PAK3: variants seen among roughly 807,000 people sequenced by gnomAD.
PAK3 encodes the protein serine/threonine-protein kinase PAK 3.
A neutral mutation model predicts 41.0 loss-of-function variants in PAK3; 4 were observed. The observed-to-expected ratio is 0.10, with a 90% CI of 0.05 to 0.22. The LOEUF (loss-of-function observed/expected upper bound fraction) is 0.22, where lower values mean the gene tolerates loss of function less well. Among genes scored for constraint, PAK3 ranks in the 10% least tolerant of loss-of-function variants. The pLI is 1.00. For missense variants in PAK3, 205 were observed against 409.9 expected (o/e 0.50, Z 4.32); for synonymous variants, 146 against 139.6 (o/e 1.05, Z -0.32).
At position 111,226,070 on chromosome X, in the gene PAK3, G is replaced by T. The variant is rs1293746117; in HGVS notation, c.*5623G>T. The T allele has an allele frequency of 9.1e-6, 1 of 110,205 alleles. No individual in the cohort carries two copies. Among genetic ancestry groups the T allele is most frequent in the Non-Finnish European group, 1.9e-5 (1 of 52,838 alleles). The allele number at this position is 110,205 out of a possible 1,213,427, so 9.1% of individuals were successfully genotyped here. ...GGGCGCCTGTAATCCCAGCTACTTG[G>T]GAGGCTGAGGTGGGAGAATCGCTTG... On this transcript the variant is annotated 3_prime_UTR_variant, in exon 18 of 18. Coordinates refer to ENST00000372007, the MANE Select transcript of PAK3 (RefSeq NM_002578.5).
intron 6 of PAK3, among the ~76,000 whole-genome samples, chrX:111,147,239 C>A (rs1433472981): frequency 1.8e-5 from 2 of 111,930 alleles, no homozygotes; most frequent in Non-Finnish European, 3.8e-5. Context: ...TTTGTAATCA[C>A]AAAGTATAAC....
chrX:110,973,930 C>A (rs1271093960), intron 1 of PAK3, among the ~76,000 whole-genome samples: 1 of 111,569 alleles, frequency 9.0e-6, no homozygotes, highest in Non-Finnish European at 1.9e-5. Context: ...TCTGATAAAC[C>A]AGATTTTAAA....
chrX:110,996,103 AT>A (rs2091734888), intron 1 of PAK3, among the ~76,000 whole-genome samples: 1 of 112,076 alleles, frequency 8.9e-6, no homozygotes, highest in Non-Finnish European at 1.9e-5. Flanking sequence ...CCTCTTCTAG[AT>A]GAAGTAAATC....
At chrX:110,994,329 C>A (rs1011701851) in intron 1 of PAK3, among the ~76,000 whole-genome samples, 12 of 111,781 alleles carry the variant, frequency 1.1e-4, no homozygotes, top group African/African-American at 3.9e-4. Context: ...GTTTGAAAAT[C>A]TATACTTGCC....
rs765320340 is a variant in PAK3 at position 111,157,236 on chromosome X, G to A, written c.468+4789G>A. Among the ~76,000 whole-genome samples the A allele has an allele frequency of 3.6e-5, 4 of 111,448 alleles. No individual in the cohort carries two copies. The South Asian group carries it at 1.5e-3, about 42-fold the overall frequency. On this transcript the variant is annotated intron_variant, in intron 8 of 17. Transcript: ENST00000372007. ...AATCACCAAAAGTGGCCCCCAAACA[G>A]CATTTTATATTATCTAAAGCCTCTA...
intron 1 of PAK3, among the ~76,000 whole-genome samples, chrX:111,018,549 G>A (rs2092124211): frequency 9.0e-6 from 1 of 111,629 alleles, no homozygotes; most frequent in Non-Finnish European, 1.9e-5. Flanking sequence ...ACAAATAAAT[G>A]TGTACTGAAA....
chrX:111,092,332 CAT>C (rs1160182347), upstream of PAK3, among the ~76,000 whole-genome samples: 1 of 112,040 alleles, frequency 8.9e-6, no homozygotes, highest in Non-Finnish European at 1.9e-5. Context: ...CACATACCCA[CAT>C]GTCTTTCCTA....
At chrX:111,164,044 C>T (rs189165669) in intron 10 of PAK3, among the ~76,000 whole-genome samples, 53 of 111,821 alleles carry the variant, frequency 4.7e-4, no homozygotes, top group Non-Finnish European at 8.5e-4. Flanking sequence ...GATCATAACC[C>T]AAGGGCTCTC....
chrX:111,050,772 G>C (rs1035147169), intron 1 of PAK3, among the ~76,000 whole-genome samples: 17 of 112,773 alleles, frequency 1.5e-4, no homozygotes, highest in African/African-American at 5.5e-4. Flanking sequence ...TTCTGCTGCT[G>C]TTGGCAGATT....
At chrX:111,184,381 T>C (rs187149841) in intron 11 of PAK3, among the ~76,000 whole-genome samples, 16 of 110,374 alleles carry the variant, frequency 1.4e-4, no homozygotes, top group African/African-American at 4.3e-4. Flanking sequence ...TTACATCCTA[T>C]AGTGCTGCGT....
intron 5 of PAK3, among the ~76,000 whole-genome samples, chrX:111,141,714 ATTCT>A (rs1183438184): frequency 2.7e-5 from 3 of 112,091 alleles, no homozygotes; most frequent in Non-Finnish European, 5.6e-5. Context: ...GTGCTTTTCT[ATTCT>A]TTCTAATAGT....
At chrX:110,948,330 AT>A (rs1290917233) in intron 1 of PAK3, among the ~76,000 whole-genome samples, 3 of 111,576 alleles carry the variant, frequency 2.7e-5, no homozygotes, top group African/African-American at 6.5e-5. Context: ...CTTCAGACTA[AT>A]TGTCTTTCAG....
intron 1 of PAK3, among the ~76,000 whole-genome samples, chrX:111,066,159 A>G (rs1156336685): frequency 9.0e-6 from 1 of 111,013 alleles, no homozygotes; most frequent in Non-Finnish European, 1.9e-5. Flanking sequence ...GTAATTTGAG[A>G]TCTTTCTAAC....
intron 1 of PAK3, among the ~76,000 whole-genome samples, chrX:111,069,214 C>CT (rs1364391435): frequency 8.9e-6 from 1 of 112,013 alleles, no homozygotes; most frequent in East Asian, 2.8e-4. Flanking sequence ...TATGAGCCCT[C>CT]TTTGTCAGTC....
intron 1 of PAK3, among the ~76,000 whole-genome samples, chrX:111,040,200 G>A (rs773134765): frequency 1.0e-4 from 11 of 110,009 alleles, no homozygotes; most frequent in South Asian, 3.9e-4. Flanking sequence ...AAGTTCCACC[G>A]AATGAGTTAC....
At chrX:111,076,169 G>A (rs2092783843) in intron 1 of PAK3, among the ~76,000 whole-genome samples, 1 of 111,516 alleles carries the variant, frequency 9.0e-6, no homozygotes, top group Admixed American at 9.5e-5. Context: ...GTCTTGGGGG[G>A]ACTATTGCAA....
intron 1 of PAK3, among the ~76,000 whole-genome samples, chrX:110,982,736 C>A (rs1350980982): frequency 9.0e-6 from 1 of 111,120 alleles, no homozygotes; most frequent in Non-Finnish European, 1.9e-5. Context: ...TCAATACGGG[C>A]AGATGAAGAG....
intron 5 of PAK3, among the ~76,000 whole-genome samples, chrX:111,127,944 C>G (rs1042247154): frequency 1.1e-4 from 12 of 112,026 alleles, no homozygotes; most frequent in Non-Finnish European, 5.6e-5. Context: ...TAAATAAATA[C>G]ATTAATAAAT....
chrX:111,215,233 AG>A (rs1041511481), intron 16 of PAK3, among the ~76,000 whole-genome samples: 3 of 111,799 alleles, frequency 2.7e-5, no homozygotes, highest in Non-Finnish European at 5.6e-5. Context: ...GTTTGCTTAG[AG>A]GGGGGATCAG....
Sources: allele counts gnomAD v4.1 joint callset (sites outside exome capture counted in the v4.1 genomes callset), GRCh38; gene constraint gnomAD v4.1.1; transcripts MANE v1.5; gene names NCBI Gene and HGNC (gene_info 2026-07-23, HGNC 2026-07-21).